CSMD3: variants seen among roughly 807,000 people sequenced by gnomAD.
CSMD3 encodes CUB and sushi domain-containing protein 3.
A neutral mutation model predicts 435.2 loss-of-function variants in CSMD3; 177 were observed. The observed-to-expected ratio is 0.41, with a 90% confidence interval of 0.36 to 0.46. CSMD3 has a LOEUF of 0.46. CSMD3 is among the 20% of genes least tolerant of loss of function. The pLI is 0.34. For missense variants in CSMD3, 4,265 were observed against 4,504.6 expected, an observed-to-expected ratio of 0.95 and a Z score of 1.52; for synonymous variants, 1,656 against 1,520.5, an observed-to-expected ratio of 1.09 and a Z score of -2.07.
chr8:112,802,822 A>G (rs1269805633), intron 12 of CSMD3, among the ~76,000 whole-genome samples: 3 of 151,738 alleles, frequency 2.0e-5, no homozygotes, highest in Non-Finnish European at 2.9e-5. Flanking sequence ...CCAAACTCAA[A>G]TTTTATTAAT....
intron 5 of CSMD3, among the ~76,000 whole-genome samples, chr8:113,096,959 C>CA (rs2090181758): frequency 6.6e-6 from 1 of 152,036 alleles, no homozygotes; most frequent in African/African-American, 2.4e-5. Context: ...ACTCTCTAGA[C>CA]AGAGTGTAGG....
intron 9 of CSMD3, among the ~76,000 whole-genome samples, chr8:112,923,104 A>C (rs2082797097): frequency 6.6e-6 from 1 of 152,114 alleles, no homozygotes; most frequent in Non-Finnish European, 1.5e-5. Flanking sequence ...TTTCAGCCCT[A>C]CAGTGTTAAT....
chr8:112,858,804 TG>T (rs2080740221), intron 11 of CSMD3, among the ~76,000 whole-genome samples: 1 of 151,858 alleles, frequency 6.6e-6, no homozygotes, highest in African/African-American at 2.4e-5. Context: ...AGGATTGACC[TG>T]AATGATGTGT....
chr8:112,329,676 A>G (rs780018388), intron 45 of CSMD3, among the ~76,000 whole-genome samples: 11 of 152,164 alleles, frequency 7.2e-5, no homozygotes, highest in African/African-American at 2.4e-4. Flanking sequence ...TGTTCCTGAT[A>G]GTCTTTGGCT....
chr8:112,336,952 T>G, intron 43 of CSMD3, 123 bp from the exon 44 acceptor site: 1 of 810,998 alleles, frequency 1.2e-6, no homozygotes, highest in Non-Finnish European at 2.1e-6. Context: ...TGTTTTTACT[T>G]CAGTTGAGGT....
intron 1 of CSMD3, among the ~76,000 whole-genome samples, chr8:113,328,400 T>A (rs900388854): frequency 2.1e-5 from 3 of 140,842 alleles, no homozygotes; most frequent in Admixed American, 1.5e-4. Context: ...ATCCCGCCAC[T>A]GCACTCCAGC....
intron 63 of CSMD3, among the ~76,000 whole-genome samples, chr8:112,250,202 GT>G (rs1255698812): frequency 6.6e-6 from 1 of 151,644 alleles, no homozygotes; most frequent in Non-Finnish European, 1.5e-5. Flanking sequence ...CATACACTTT[GT>G]TTTTACTTGT....
chr8:112,269,200 C>T (rs1205211734), intron 59 of CSMD3, among the ~76,000 whole-genome samples: 2 of 152,066 alleles, frequency 1.3e-5, no homozygotes, highest in Admixed American at 1.3e-4. Flanking sequence ...TATCCCCAGC[C>T]CTCTCTTTTG....
At chr8:112,317,509 C>A (rs1341739253) in intron 47 of CSMD3, among the ~76,000 whole-genome samples, 1 of 151,922 alleles carries the variant, frequency 6.6e-6, no homozygotes, top group Non-Finnish European at 1.5e-5. Flanking sequence ...TCTCTATTTG[C>A]ATATCTAAAT....
chr8:113,350,512 A>G (rs1217207343), intron 1 of CSMD3, among the ~76,000 whole-genome samples: 1 of 152,146 alleles, frequency 6.6e-6, no homozygotes, highest in Non-Finnish European at 1.5e-5. Context: ...AGTAAAATCC[A>G]ACTGGATATC....
At chr8:112,614,653 TC>T (rs1456342313) in intron 22 of CSMD3, among the ~76,000 whole-genome samples, 2 of 152,124 alleles carry the variant, frequency 1.3e-5, no homozygotes, top group Non-Finnish European at 2.9e-5. Context: ...TTTTAGAATT[TC>T]TTTTTTTAGA....
At chr8:112,867,430 A>T (rs2081014625) in intron 10 of CSMD3, among the ~76,000 whole-genome samples, 1 of 152,106 alleles carries the variant, frequency 6.6e-6, no homozygotes, top group Admixed American at 6.5e-5. Flanking sequence ...TTGCTTAATG[A>T]TGGAGGTACA....
chr8:112,582,834 C>T (rs7831258), intron 23 of CSMD3, among the ~76,000 whole-genome samples: 2,097 of 151,970 alleles, frequency 0.014, 47 homozygotes, highest in African/African-American at 0.049. Context: ...TAAAAGATAC[C>T]TCAAAAAACT....
At chr8:113,062,614 C>A (rs957532983) in intron 5 of CSMD3, among the ~76,000 whole-genome samples, 5 of 151,832 alleles carry the variant, frequency 3.3e-5, no homozygotes, top group Non-Finnish European at 7.4e-5. Flanking sequence ...ATTTCCAATT[C>A]TTCCCTGTAT....
At chr8:113,414,469 T>C (rs1325403036) in intron 1 of CSMD3, among the ~76,000 whole-genome samples, 2 of 152,110 alleles carry the variant, frequency 1.3e-5, no homozygotes, top group Non-Finnish European at 2.9e-5. Flanking sequence ...TTTTCTCCTA[T>C]GCACCCTTAT....
chr8:112,536,732 C>A (rs564642629), intron 27 of CSMD3, among the ~76,000 whole-genome samples: 2 of 149,602 alleles, frequency 1.3e-5, no homozygotes, highest in South Asian at 2.1e-4. Flanking sequence ...ATGTTTATTG[C>A]GGCACTATTC....
rs527954341 is a variant in CSMD3 at position 112,252,165 on chromosome 8, C to T, written c.10110+2088G>A. 1.8e-3 allele frequency among the ~76,000 whole-genome samples: 271 copies of T among 151,930 alleles called. 1 individual carries two copies. Among genetic ancestry groups the T allele is most frequent in the African/African-American group, 6.3e-3 (262 of 41,514 alleles). Reference sequence around the variant, plus strand: ...CTCTTCCCAAAAATGGGCTTCCTAACAGCTGTGATTTTGCGTCATAACTCA... The same window carrying T: ...CTCTTCCCAAAAATGGGCTTCCTAATAGCTGTGATTTTGCGTCATAACTCA... On this transcript the variant is annotated intron_variant, in intron 63 of 70. Coordinates refer to ENST00000297405, the MANE Select transcript of CSMD3 (RefSeq NM_198123.2).
At chr8:112,742,631 T>G (rs2132061592) in intron 13 of CSMD3, among the ~76,000 whole-genome samples, 1 of 152,086 alleles carries the variant, frequency 6.6e-6, no homozygotes, top group East Asian at 1.9e-4. Context: ...AAGACAGTTG[T>G]GTGATTTTGC....
chr8:113,097,858 C>T (rs964600385), intron 5 of CSMD3, among the ~76,000 whole-genome samples: 4 of 151,886 alleles, frequency 2.6e-5, no homozygotes, highest in East Asian at 1.9e-4. Flanking sequence ...TTCTTTATCA[C>T]CCCCCAGTCC....
Sources: allele counts gnomAD v4.1 joint callset (sites outside exome capture counted in the v4.1 genomes callset), GRCh38; gene constraint gnomAD v4.1.1; transcripts MANE v1.5; gene names NCBI Gene and HGNC (gene_info 2026-07-23, HGNC 2026-07-21).